The following INSC variants were observed in gnomAD, a reference collection of about 807,000 sequenced individuals.
The protein encoded by INSC is protein inscuteable homolog.
INSC carries 67 observed loss-of-function variants against 58.6 expected under a neutral mutation model. That is an observed-to-expected ratio of 1.14 (90% CI 0.94 to 1.40). The LOEUF is 1.40. Ranked by LOEUF, INSC falls within the 40% of genes most tolerant of loss-of-function variation. The pLI is 0.00. For synonymous variants in INSC, 262 were observed against 276.1 expected, an observed-to-expected ratio of 0.95 and a Z score of 0.51; for missense variants, 714 against 692.0, an observed-to-expected ratio of 1.03 and a Z score of -0.36.
chr11:15,261,097 A>G, the INSC span, among the ~76,000 whole-genome samples: 7 of 152,304 alleles, frequency 4.6e-5, no homozygotes, highest in South Asian at 4.1e-4. Context: ...CTCACATTGT[A>G]GAAGCAGCAT....
At chr11:15,140,597 T>C (rs1848347282) in intron 1 of INSC, among the ~76,000 whole-genome samples, 1 of 151,690 alleles carries the variant, frequency 6.6e-6, no homozygotes, top group Admixed American at 6.6e-5. Context: ...TTTTTTTTTT[T>C]TCTTTTAGAG....
chr11:15,112,068 T>C (rs942904796), upstream of INSC, among the ~76,000 whole-genome samples: 2 of 152,256 alleles, frequency 1.3e-5, no homozygotes, highest in East Asian at 1.9e-4. Context: ...TCTCTGAGCA[T>C]GTCTTGCTGC....
chr11:15,236,682 T>A (rs1360756161), intron 10 of INSC, among the ~76,000 whole-genome samples: 1 of 152,184 alleles, frequency 6.6e-6, no homozygotes, highest in Non-Finnish European at 1.5e-5. Context: ...GAGGGCTTCC[T>A]GTGACTGGGA....
upstream of INSC, chr11:15,114,890 G>C: frequency 1.0e-6 from 1 of 977,782 alleles, no homozygotes; most frequent in Non-Finnish European, 1.2e-6. Context: ...GGGGGCCAGG[G>C]GCGGCCTCTC....
intron 7 of INSC, among the ~76,000 whole-genome samples, chr11:15,204,084 A>G (rs996272362): frequency 6.6e-6 from 1 of 152,216 alleles, no homozygotes; most frequent in African/African-American, 2.4e-5. Context: ...GCCCGGTTCT[A>G]GCAGGTAAGG....
At chr11:15,152,634 G>A (rs151231085) in intron 2 of INSC, among the ~76,000 whole-genome samples, 185 of 152,276 alleles carry the variant, frequency 1.2e-3, no homozygotes, top group African/African-American at 4.1e-3. Context: ...AGTGCTGCCT[G>A]ATTCATGAAT....
rs569748456 is a variant in INSC at position 15,240,207 on chromosome 11, T to G, written c.1394-240T>G. ...AAAAGACACAGTTAGGAATTTTGTC[T>G]GGTAAAGATTCAAATGTTAACCCGC... On this transcript the variant is annotated intron_variant, in intron 11 of 12. Transcript: ENST00000379556. Among the ~76,000 whole-genome samples, 11 of 152,338 alleles carry G rather than the reference T, an allele frequency of 7.2e-5. No individual in the cohort carries two copies. In the South Asian group the frequency reaches 2.3e-3, roughly 32 times the overall value.
intron 9 of INSC, among the ~76,000 whole-genome samples, chr11:15,228,713 C>T (rs539458713): frequency 2.0e-4 from 31 of 152,308 alleles, no homozygotes; most frequent in African/African-American, 6.7e-4. Flanking sequence ...TGTGTGGAGC[C>T]TCTTGGTCTT....
At chr11:15,146,708 AC>A (rs1848501835) in intron 1 of INSC, among the ~76,000 whole-genome samples, 1 of 152,228 alleles carries the variant, frequency 6.6e-6, no homozygotes, top group Non-Finnish European at 1.5e-5. Flanking sequence ...TCTTGTGCTC[AC>A]TGCTTCTTTC....
rs773305424 is a variant in INSC, at chr11:15,221,631, T to A, written c.974T>A (p.Ile325Asn). ...LSSFLESMEE[I>N]VTALVKLCQE... ...AGCTTCCTGGAGAGCATGGAGGAGA[T>A]CGTGACAGCCCTCGTCAGTGAGTCA... The change falls in exon 8 of 13, where the codon ATC becomes AAC. Residue 325 changes from isoleucine to asparagine, a missense_variant. By Grantham distance (149) the Ile-to-Asn change is moderately radical (BLOSUM62 -3). Coordinates refer to ENST00000379556, the MANE Select transcript of INSC (RefSeq NM_001042536.3). 1 of 1,612,660 alleles carries A rather than the reference T, an allele frequency of 6.2e-7. No individual in the cohort carries two copies. The highest frequency in any genetic ancestry group is 1.3e-5 in the African/African-American group (1 of 74,992).
At chr11:15,185,507 C>T (rs1210394227) in intron 5 of INSC, among the ~76,000 whole-genome samples, 1 of 151,714 alleles carries the variant, frequency 6.6e-6, no homozygotes, top group Non-Finnish European at 1.5e-5. Context: ...GATAATAATC[C>T]TCAACCAAGA....
At chr11:15,259,275 A>T in the INSC span, among the ~76,000 whole-genome samples, 1 of 152,198 alleles carries the variant, frequency 6.6e-6, no homozygotes, top group Non-Finnish European at 1.5e-5. Context: ...TTGCTGCTTA[A>T]TAAAAACAAG....
chr11:15,220,160 A>C (rs1295324800), intron 7 of INSC, among the ~76,000 whole-genome samples: 1 of 152,198 alleles, frequency 6.6e-6, no homozygotes, highest in Non-Finnish European at 1.5e-5. Context: ...AGGCAAACGA[A>C]ATGCAGACCT....
At chr11:15,180,968 G>A (rs764064907) in intron 5 of INSC, among the ~76,000 whole-genome samples, 3 of 152,198 alleles carry the variant, frequency 2.0e-5, no homozygotes, top group Admixed American at 6.5e-5. Context: ...AGTGTTGTAA[G>A]CATGTGTTTC....
At chr11:15,147,316 A>C (rs1019147445) in intron 1 of INSC, among the ~76,000 whole-genome samples, 1 of 152,174 alleles carries the variant, frequency 6.6e-6, no homozygotes, top group Non-Finnish European at 1.5e-5. Flanking sequence ...TGGTGATAAC[A>C]TGCTTGTTGA....
intron 1 of INSC, among the ~76,000 whole-genome samples, chr11:15,117,102 C>T (rs1474932842): frequency 1.3e-5 from 2 of 150,938 alleles, no homozygotes; most frequent in African/African-American, 2.4e-5. Context: ...CCACCATGCC[C>T]AGCTAATTTT....
intron 2 of INSC, among the ~76,000 whole-genome samples, chr11:15,157,248 A>G (rs532971429): frequency 1.3e-5 from 2 of 152,308 alleles, no homozygotes; most frequent in East Asian, 3.9e-4. Context: ...GACTAAGGAA[A>G]TCAAACCCAA....
At chr11:15,126,455 TG>T (rs1380764115) in intron 1 of INSC, among the ~76,000 whole-genome samples, 1 of 152,190 alleles carries the variant, frequency 6.6e-6, no homozygotes. Flanking sequence ...TATTCAGGTC[TG>T]GGCTCTGGCC....
downstream of INSC, among the ~76,000 whole-genome samples, chr11:15,251,788 G>A (rs1852652749): frequency 6.6e-6 from 1 of 152,054 alleles, no homozygotes; most frequent in Non-Finnish European, 1.5e-5. Flanking sequence ...TGGTGGGATG[G>A]TAAAATAGTA....
Sources: allele counts gnomAD v4.1 joint callset (sites outside exome capture counted in the v4.1 genomes callset), GRCh38; gene constraint gnomAD v4.1.1; transcripts MANE v1.5; gene names NCBI Gene and HGNC (gene_info 2026-07-23, HGNC 2026-07-21).